The following JAK1 variants were observed in gnomAD, a reference collection of about 807,000 sequenced individuals.
JAK1 encodes tyrosine-protein kinase JAK1.
A neutral mutation model predicts 136.6 loss-of-function variants in JAK1; 16 were observed. That is an observed-to-expected ratio of 0.12 (90% CI 0.08 to 0.18). The LOEUF is 0.18. Among genes scored for constraint, JAK1 ranks in the 10% least tolerant of loss-of-function variants. JAK1 has a pLI of 1.00. For synonymous variants in JAK1, 492 were observed against 519.5 expected (o/e 0.95, Z 0.72); for missense variants, 859 against 1,450.1 (o/e 0.59, Z 6.62).
At chr1:65,039,726 T>A (rs1647112436) in intron 2 of JAK1, among the ~76,000 whole-genome samples, 1 of 152,138 alleles carries the variant, frequency 6.6e-6, no homozygotes, top group Admixed American at 6.5e-5. Context: ...GCAGGAAAGG[T>A]ATTTTTGGAT....
At chr1:65,045,588 G>C (rs2100845458) in intron 1 of JAK1, among the ~76,000 whole-genome samples, 1 of 152,288 alleles carries the variant, frequency 6.6e-6, no homozygotes, top group South Asian at 2.1e-4. Flanking sequence ...CACAGTTTCT[G>C]CATCTGTGCA....
At chr1:64,913,231 C>T (rs11582696) in intron 1 of JAK1, among the ~76,000 whole-genome samples, 5,912 of 152,118 alleles carry the variant, frequency 0.039, 233 homozygotes, top group Admixed American at 0.14. Context: ...CGCCTTATTG[C>T]CCAGGCTGGG....
intron 1 of JAK1, among the ~76,000 whole-genome samples, chr1:64,964,206 T>G (rs970461072): frequency 6.6e-6 from 1 of 152,232 alleles, no homozygotes; most frequent in South Asian, 2.1e-4. Context: ...TTTATTTGTA[T>G]GAATATTCAC....
At chr1:64,843,373 C>T (rs1312864697) in intron 17 of JAK1, among the ~76,000 whole-genome samples, 1 of 152,172 alleles carries the variant, frequency 6.6e-6, no homozygotes, top group African/African-American at 2.4e-5. Flanking sequence ...TACTACTTTA[C>T]CCCTTTGGAG....
chr1:64,928,794 AAAC>A lies in JAK1; in HGVS notation c.-78+37536_-78+37538del, dbSNP rs1388263332. 4.4e-4 allele frequency among the ~76,000 whole-genome samples: 54 copies of A among 122,544 alleles called. 1 individual carries two copies. Among genetic ancestry groups the A allele is most frequent in the Non-Finnish European group, 7.2e-4 (45 of 62,430 alleles). The allele number at this position is 122,544 out of a possible 152,430, so 80.4% of individuals were successfully genotyped here. On this transcript the variant is annotated intron_variant, in intron 1 of 24. Coordinates refer to ENST00000342505, the MANE Select transcript of JAK1 (RefSeq NM_002227.4). The stretch of plus-strand genomic sequence containing the variant: ...AAAACTCTGCAAAAAAAAAAAAAAA[AAAC>A]AAAAAAAAAAAACTCTGCAAAAAAA...
At chr1:65,056,680 T>C (rs899063919) in intron 1 of JAK1, among the ~76,000 whole-genome samples, 1 of 152,016 alleles carries the variant, frequency 6.6e-6, no homozygotes. Flanking sequence ...TCTCAGCACT[T>C]TGGGAGGCTG....
At chr1:64,986,515 T>C (rs973332363) in intron 2 of JAK1, among the ~76,000 whole-genome samples, 2 of 152,150 alleles carry the variant, frequency 1.3e-5, no homozygotes, top group African/African-American at 2.4e-5. Flanking sequence ...CAGCAAGTTT[T>C]CTCCAGGTCC....
chr1:64,859,573 A>G (rs1218590698), intron 9 of JAK1: 1 of 152,308 alleles, frequency 6.6e-6, no homozygotes, highest in East Asian at 1.9e-4. Flanking sequence ...CCTTGGGACA[A>G]GCTGACTGAC....
chr1:64,989,031 A>AT (rs1646630283), intron 2 of JAK1, among the ~76,000 whole-genome samples: 3 of 109,428 alleles, frequency 2.7e-5, no homozygotes, highest in Non-Finnish European at 4.4e-5. Flanking sequence ...TATATATATA[A>AT]AATACAGAGA....
intron 8 of JAK1, among the ~76,000 whole-genome samples, chr1:64,863,103 G>A (rs1470710289): frequency 6.8e-6 from 1 of 147,806 alleles, no homozygotes; most frequent in Non-Finnish European, 1.5e-5. Flanking sequence ...TACCCACGAT[G>A]CAGCATATAA....
At position 64,948,313 on chromosome 1, in the gene JAK1, T is replaced by C. The variant is rs184903485; in HGVS notation, c.-78+18020A>G. 7.8e-4 allele frequency among the ~76,000 whole-genome samples: 119 copies of C among 152,362 alleles called. No homozygotes were observed. In the East Asian group the frequency reaches 0.022, roughly 29 times the overall value. On this transcript the variant is annotated intron_variant, in intron 1 of 24. Coordinates refer to ENST00000342505, the MANE Select transcript of JAK1 (RefSeq NM_002227.4). ...GCATAGTGCTAGGCTCTGCAGATTT[T>C]GTCTGACTTAATGCAAGCAAAGAGT...
chr1:64,933,934 T>C (rs980377477), intron 1 of JAK1, among the ~76,000 whole-genome samples: 2 of 152,186 alleles, frequency 1.3e-5, no homozygotes, highest in Non-Finnish European at 2.9e-5. Flanking sequence ...CTACGGAATA[T>C]ACTACATAAA....
intron 1 of JAK1, among the ~76,000 whole-genome samples, chr1:65,048,738 C>T (rs577042164): frequency 2.0e-5 from 3 of 152,336 alleles, no homozygotes; most frequent in East Asian, 3.9e-4. Context: ...TACCTTTAAT[C>T]AGCCTGAGTT....
upstream of JAK1, among the ~76,000 whole-genome samples, chr1:64,969,134 C>T (rs953818847): frequency 1.3e-5 from 2 of 151,372 alleles, no homozygotes; most frequent in Non-Finnish European, 2.9e-5. Flanking sequence ...TAAGTATATG[C>T]TGTGTGACTG....
chr1:64,941,178 A>G (rs575189037), intron 1 of JAK1, among the ~76,000 whole-genome samples: 1 of 152,336 alleles, frequency 6.6e-6, no homozygotes, highest in African/African-American at 2.4e-5. Flanking sequence ...AATAATAAAA[A>G]TAAAATAAAG....
At chr1:64,854,868 C>T (rs1050595829) in intron 11 of JAK1, among the ~76,000 whole-genome samples, 3 of 152,026 alleles carry the variant, frequency 2.0e-5, no homozygotes, top group East Asian at 3.9e-4. Context: ...TCTGTTTGCA[C>T]GTGCCGAGAT....
At chr1:64,842,283 CTTTT>C (rs144657292) in intron 17 of JAK1, among the ~76,000 whole-genome samples, 3,264 of 152,110 alleles carry the variant, frequency 0.021, 132 homozygotes, top group African/African-American at 0.076. Context: ...TTGCTGTTTT[CTTTT>C]TTTAATAGTT....
exon 2 of JAK1, among the ~76,000 whole-genome samples, chr1:65,044,489 G>A (rs969985248): frequency 4.6e-5 from 7 of 152,234 alleles, no homozygotes; most frequent in African/African-American, 1.7e-4. Flanking sequence ...CCTGCCTGTA[G>A]AAAAAGAATG....
At chr1:64,964,027 A>G (rs537856214) in intron 1 of JAK1, among the ~76,000 whole-genome samples, 1 of 152,228 alleles carries the variant, frequency 6.6e-6, no homozygotes, top group African/African-American at 2.4e-5. Flanking sequence ...GTCTAAAAAA[A>G]TCTGAAAGTT....
Sources: gnomAD v4.1 joint callset for allele counts (sites outside exome capture counted in the v4.1 genomes callset) on GRCh38, gnomAD v4.1.1 for gene constraint, MANE v1.5 for transcripts, NCBI Gene and HGNC (gene_info 2026-07-23, HGNC 2026-07-21) for gene names.